Variants in NHSL1 observed in about 807,000 individuals in gnomAD.
NHSL1 encodes NHS like 1, also known as NHS-like protein 1.
Under a neutral mutation model 95.0 loss-of-function variants are expected in NHSL1, and 48 were observed. That is an observed-to-expected ratio of 0.51 (90% CI 0.40 to 0.64). The LOEUF is 0.64. NHSL1 is among the 30% of genes least tolerant of loss of function. The pLI is 0.00. For missense variants in NHSL1, 1,971 were observed against 2,077.7 expected, an observed-to-expected ratio of 0.95 and a Z score of 1.00; for synonymous variants, 783 against 833.9, an observed-to-expected ratio of 0.94 and a Z score of 1.05.
intron 4 of NHSL1, chr6:138,446,793 C>T (rs1157109525): frequency 1.4e-5 from 8 of 555,230 alleles, no homozygotes; most frequent in South Asian, 4.7e-5. Flanking sequence ...CAGTGTTTGG[C>T]GACATAGTCT....
intron 1 of NHSL1, among the ~76,000 whole-genome samples, chr6:138,566,427 C>A (rs1029269374): frequency 2.6e-5 from 4 of 151,460 alleles, no homozygotes; most frequent in Middle Eastern, 3.4e-3. Context: ...ATCAATCAAT[C>A]AATAAAAAGT....
At chr6:138,650,658 A>G (rs988879731) in intron 1 of NHSL1, 10 of 562,916 alleles carry the variant, frequency 1.8e-5, no homozygotes, top group South Asian at 4.2e-5. Context: ...CCATCCCACA[A>G]ACTGGACCAT....
chr6:138,549,099 T>C (rs774842584), upstream of NHSL1, among the ~76,000 whole-genome samples: 4 of 152,034 alleles, frequency 2.6e-5, no homozygotes, highest in Non-Finnish European at 5.9e-5. Context: ...AGAGAGAAAA[T>C]GGAGTCGGGC....
At chr6:138,476,549 C>T (rs551129450) in intron 2 of NHSL1, among the ~76,000 whole-genome samples, 16 of 152,000 alleles carry the variant, frequency 1.1e-4, no homozygotes, top group African/African-American at 2.7e-4. Context: ...ACTGGGGGCC[C>T]GCGCCAGTAG....
intron 3 of NHSL1, among the ~76,000 whole-genome samples, chr6:138,461,728 T>A (rs968169959): frequency 6.6e-6 from 1 of 152,186 alleles, no homozygotes; most frequent in Non-Finnish European, 1.5e-5. Flanking sequence ...TCTTTGGACA[T>A]GTTTAATTAT....
chr6:138,448,605 A>C (rs894785264), intron 3 of NHSL1, among the ~76,000 whole-genome samples: 3 of 152,206 alleles, frequency 2.0e-5, no homozygotes, highest in Non-Finnish European at 4.4e-5. Context: ...TGTAAAGGGA[A>C]TCGCACTGTC....
At chr6:138,475,986 C>A (rs1018752229) in intron 2 of NHSL1, among the ~76,000 whole-genome samples, 1 of 151,968 alleles carries the variant, frequency 6.6e-6, no homozygotes, top group Non-Finnish European at 1.5e-5. Flanking sequence ...AAACAAAAGT[C>A]AAAAGCAACA....
chr6:138,498,513 A>G (rs74943350), intron 1 of NHSL1, among the ~76,000 whole-genome samples: 3,388 of 152,308 alleles, frequency 0.022, 134 homozygotes, highest in African/African-American at 0.077. Flanking sequence ...TTTATCCAGT[A>G]TAAGTCACTG....
chr6:138,676,341 G>C (rs1390713584), intron 1 of NHSL1, among the ~76,000 whole-genome samples: 1 of 151,862 alleles, frequency 6.6e-6, no homozygotes, highest in Non-Finnish European at 1.5e-5. Flanking sequence ...ACATTATTAA[G>C]GTCCAGTCCT....
At chr6:138,622,524 C>T (rs768124800) in intron 1 of NHSL1, among the ~76,000 whole-genome samples, 12 of 151,926 alleles carry the variant, frequency 7.9e-5, no homozygotes, top group Admixed American at 2.0e-4. Context: ...TTGGTTCCCA[C>T]GTGGGGGTGT....
At chr6:138,606,704 T>TTC (rs951473477) in intron 1 of NHSL1, among the ~76,000 whole-genome samples, 7 of 143,542 alleles carry the variant, frequency 4.9e-5, no homozygotes, top group African/African-American at 7.7e-5. Flanking sequence ...CTTTCTTTCT[T>TTC]TTTTTTTTTT....
At chr6:138,504,065 C>T (rs550917883), upstream of NHSL1, among the ~76,000 whole-genome samples, 14 of 135,180 alleles carry the variant, frequency 1.0e-4, no homozygotes, top group African/African-American at 3.2e-4. Context: ...ACCCTATCCC[C>T]CCAAAAATAC....
intron 1 of NHSL1, among the ~76,000 whole-genome samples, chr6:138,654,734 C>T (rs763778660): frequency 6.6e-6 from 1 of 151,798 alleles, no homozygotes; most frequent in African/African-American, 2.4e-5. Flanking sequence ...CCAGCCTTGA[C>T]TGAAAAACAA....
intron 5 of NHSL1, among the ~76,000 whole-genome samples, chr6:138,441,711 T>C (rs1471554920): frequency 1.3e-5 from 2 of 152,346 alleles, no homozygotes; most frequent in Non-Finnish European, 1.5e-5. Context: ...ATAACAATGA[T>C]GAGGTTAACT....
At chr6:138,457,551 T>C (rs1038684649) in intron 3 of NHSL1, among the ~76,000 whole-genome samples, 1 of 152,224 alleles carries the variant, frequency 6.6e-6, no homozygotes, top group Non-Finnish European at 1.5e-5. Context: ...ATTTTTAATA[T>C]TTGTTGAATG....
At chr6:138,465,527 T>C (rs2128239020) in intron 3 of NHSL1, among the ~76,000 whole-genome samples, 1 of 152,240 alleles carries the variant, frequency 6.6e-6, no homozygotes, top group South Asian at 2.1e-4. Context: ...TTCCTGACTA[T>C]CCAAGTCAGA....
intron 1 of NHSL1, among the ~76,000 whole-genome samples, chr6:138,661,942 C>T (rs903868506): frequency 1.3e-4 from 19 of 151,886 alleles, no homozygotes; most frequent in African/African-American, 4.1e-4. Flanking sequence ...GAAGTGGTGG[C>T]GTGCACCTGT....
chr6:138,447,217 G>A, intron 3 of NHSL1, 24 bp from the exon 4 acceptor site: 2 of 1,531,290 alleles, frequency 1.3e-6, no homozygotes, highest in East Asian at 4.9e-5. Flanking sequence ...AGAAGCAGCA[G>A]CCACAGTGTA....
At chr6:138,582,464 C>G (rs763136032) in intron 1 of NHSL1, among the ~76,000 whole-genome samples, 7 of 152,038 alleles carry the variant, frequency 4.6e-5, no homozygotes, top group Non-Finnish European at 8.8e-5. Flanking sequence ...TCATAATGAC[C>G]CATTTGCTTT....
Sources: allele counts gnomAD v4.1 joint callset (sites outside exome capture counted in the v4.1 genomes callset), GRCh38; gene constraint gnomAD v4.1.1; transcripts MANE v1.5; gene names NCBI Gene and HGNC (gene_info 2026-07-23, HGNC 2026-07-21).